Variants in ESRRB observed in about 807,000 individuals in gnomAD.
The protein encoded by ESRRB is estrogen related receptor beta.
In ESRRB, 16 loss-of-function variants were observed where a neutral mutation model predicts 46.0. That is an observed-to-expected ratio of 0.35 (90% CI 0.24 to 0.53). ESRRB has a LOEUF of 0.53. Among genes scored for constraint, ESRRB ranks in the 20% least tolerant of loss-of-function variants. The pLI is 0.93. For synonymous variants in ESRRB, 246 were observed against 259.6 expected, an observed-to-expected ratio of 0.95 and a Z score of 0.50; for missense variants, 488 against 607.4, an observed-to-expected ratio of 0.80 and a Z score of 2.07.
chr14:76,321,414 C>T (rs948219370), intron 1 of ESRRB, among the ~76,000 whole-genome samples: 1 of 152,324 alleles, frequency 6.6e-6, no homozygotes, highest in South Asian at 2.1e-4. Flanking sequence ...AGTTTTCACA[C>T]TGGGGTTGAA....
At chr14:76,396,944 T>C (rs1481231789) in intron 1 of ESRRB, among the ~76,000 whole-genome samples, 1 of 152,134 alleles carries the variant, frequency 6.6e-6, no homozygotes, top group East Asian at 1.9e-4. Context: ...GGGTGGTTGC[T>C]CACCTGCCCA....
At chr14:76,341,682 C>T (rs533183161) in intron 1 of ESRRB, among the ~76,000 whole-genome samples, 2 of 152,282 alleles carry the variant, frequency 1.3e-5, no homozygotes, top group African/African-American at 2.4e-5. Context: ...TAGCTCAATC[C>T]CTGCTCAGAG....
intron 6 of ESRRB, among the ~76,000 whole-genome samples, chr14:76,495,010 A>C (rs747003407): frequency 7.2e-5 from 11 of 152,184 alleles, no homozygotes; most frequent in African/African-American, 2.7e-4. Flanking sequence ...TTGATCTCAC[A>C]TGGACCCGCA....
In ESRRB at chr14:76,344,513, C is replaced by A. The variant is rs569421057; in HGVS notation, c.2+33597C>A. Among the ~76,000 whole-genome samples the A allele has an allele frequency of 5.9e-5, 9 of 151,948 alleles. No individual in the cohort carries two copies. The East Asian group carries it at 1.7e-3, about 29-fold the overall frequency. Reference sequence around the variant, plus strand: ...CTTAGATCCCACATATCAGTGAGAACATATGATGTTTGGTTTTCCATTCCT... The same window carrying A: ...CTTAGATCCCACATATCAGTGAGAAAATATGATGTTTGGTTTTCCATTCCT... On this transcript the variant is annotated intron_variant, in intron 1 of 6. Transcript: ENST00000512784.
chr14:76,444,098 G>T (rs993340616), intron 2 of ESRRB, among the ~76,000 whole-genome samples: 8 of 151,546 alleles, frequency 5.3e-5, no homozygotes, highest in Non-Finnish European at 1.0e-4. Context: ...GTCTCGCTCT[G>T]TTGCCCAGGC....
intron 1 of ESRRB, among the ~76,000 whole-genome samples, chr14:76,339,379 G>C (rs143343065): frequency 6.6e-6 from 1 of 152,122 alleles, no homozygotes; most frequent in Admixed American, 6.5e-5. Flanking sequence ...GATAATGAAC[G>C]CACTTAACAA....
chr14:76,410,029 C>G (rs1443907438), intron 1 of ESRRB, among the ~76,000 whole-genome samples: 1 of 151,942 alleles, frequency 6.6e-6, no homozygotes. Flanking sequence ...TTTGAGACCA[C>G]CCTGGCCAAC....
chr14:76,477,864 G>A (rs2140022748), intron 3 of ESRRB, among the ~76,000 whole-genome samples: 1 of 152,284 alleles, frequency 6.6e-6, no homozygotes, highest in Non-Finnish European at 1.5e-5. Context: ...TGCGCTGGGA[G>A]GTCATACCAT....
intron 1 of ESRRB, among the ~76,000 whole-genome samples, chr14:76,435,275 G>A (rs1253969121): frequency 6.6e-6 from 1 of 152,232 alleles, no homozygotes; most frequent in Non-Finnish European, 1.5e-5. Flanking sequence ...AAAATATGAA[G>A]AATGAGAGAA....
intron 2 of ESRRB, among the ~76,000 whole-genome samples, chr14:76,460,349 G>T (rs1020745800): frequency 1.3e-5 from 2 of 152,232 alleles, no homozygotes; most frequent in African/African-American, 4.8e-5. Context: ...ACCTGCTTCA[G>T]CTCCCAGAGC....
chr14:76,355,327 C>A (rs994401855), intron 1 of ESRRB, among the ~76,000 whole-genome samples: 26 of 152,166 alleles, frequency 1.7e-4, no homozygotes, highest in African/African-American at 6.3e-4. Context: ...CAGACTTTTA[C>A]CACGCCCTTC....
At chr14:76,462,409 A>G in intron 2 of ESRRB, 136 bp from the exon 3 acceptor site, 1 of 693,094 alleles carries the variant, frequency 1.4e-6, no homozygotes. Context: ...CAAGCACCTC[A>G]GAGCACCTGC....
chr14:76,484,501 T>C (rs567408421), intron 5 of ESRRB, among the ~76,000 whole-genome samples: 3 of 152,158 alleles, frequency 2.0e-5, no homozygotes, highest in Non-Finnish European at 4.4e-5. Flanking sequence ...CAGGTACCCC[T>C]GCCCCCGCCC....
chr14:76,417,944 CTTTTTTTTT>C (rs869242837), intron 1 of ESRRB, among the ~76,000 whole-genome samples: 1 of 91,366 alleles, frequency 1.1e-5, no homozygotes, highest in Non-Finnish European at 2.0e-5. Context: ...CTTTTACATA[CTTTTTTTTT>C]TTTTTTTTTT....
chr14:76,327,211 C>T (rs1221404826), intron 1 of ESRRB, among the ~76,000 whole-genome samples: 3 of 152,218 alleles, frequency 2.0e-5, no homozygotes, highest in African/African-American at 7.2e-5. Context: ...TATGCAGCTG[C>T]CTGCGTGTCA....
At chr14:76,438,522 T>G (rs1395385858) in intron 1 of ESRRB, among the ~76,000 whole-genome samples, 1 of 152,022 alleles carries the variant, frequency 6.6e-6, no homozygotes, top group Non-Finnish European at 1.5e-5. Flanking sequence ...AAATTAGCTG[T>G]GCATGACGGC....
chr14:76,311,669 G>T (rs1462889106), intron 1 of ESRRB, among the ~76,000 whole-genome samples: 2 of 152,180 alleles, frequency 1.3e-5, no homozygotes, highest in African/African-American at 4.8e-5. Flanking sequence ...AGGTGTGGAG[G>T]GAGGGCTGTT....
chr14:76,412,607 A>G (rs1886491768), intron 1 of ESRRB, among the ~76,000 whole-genome samples: 1 of 152,082 alleles, frequency 6.6e-6, no homozygotes, highest in Non-Finnish European at 1.5e-5. Flanking sequence ...TCCCCCAACA[A>G]AGAAGGTTTT....
chr14:76,471,751 CA>C (rs1347453418), intron 3 of ESRRB, among the ~76,000 whole-genome samples: 3 of 152,224 alleles, frequency 2.0e-5, no homozygotes, highest in Non-Finnish European at 4.4e-5. Context: ...TTCAGTCTGA[CA>C]TTATCTTATT....
Sources: gnomAD v4.1 joint callset for allele counts (sites outside exome capture counted in the v4.1 genomes callset) on GRCh38, gnomAD v4.1.1 for gene constraint, MANE v1.5 for transcripts, NCBI Gene and HGNC (gene_info 2026-07-23, HGNC 2026-07-21) for gene names.